DAB1: variants seen among roughly 807,000 people sequenced by gnomAD.
The protein encoded by DAB1 is disabled homolog 1.
In DAB1, 15 loss-of-function variants were observed where a neutral mutation model predicts 64.6. That is an observed-to-expected ratio of 0.23 (90% CI 0.16 to 0.36). The LOEUF is 0.36. Among genes scored for constraint, DAB1 ranks in the 10% least tolerant of loss-of-function variants. The pLI, the probability that DAB1 is intolerant of heterozygous loss-of-function variation, is 1.00. For missense variants in DAB1, 596 were observed against 706.7 expected (o/e 0.84, Z 1.78); for synonymous variants, 235 against 251.9 (o/e 0.93, Z 0.64).
chr1:58,040,621 G>C (rs1647120858), intron 5 of DAB1, among the ~76,000 whole-genome samples: 2 of 152,174 alleles, frequency 1.3e-5, no homozygotes, highest in Admixed American at 1.3e-4. Context: ...CAGGCTAAAT[G>C]AGTTTCCTGC....
chr1:57,891,691 C>T (rs1187256213), intron 5 of DAB1, among the ~76,000 whole-genome samples: 1 of 152,142 alleles, frequency 6.6e-6, no homozygotes, highest in Non-Finnish European at 1.5e-5. Flanking sequence ...GAGTTCATGT[C>T]CTTTGCAGGA....
chr1:57,441,889 C>T (rs575277638), intron 7 of DAB1, among the ~76,000 whole-genome samples: 3 of 152,196 alleles, frequency 2.0e-5, no homozygotes, highest in Admixed American at 6.5e-5. Context: ...GCTGAACTAA[C>T]TTATATTCCC....
At chr1:57,074,254 G>T (rs1021676168) in intron 4 of DAB1, among the ~76,000 whole-genome samples, 29 of 152,258 alleles carry the variant, frequency 1.9e-4, no homozygotes, top group African/African-American at 7.0e-4. Flanking sequence ...CTTAGTTATG[G>T]TTTAAATAGT....
intron 2 of DAB1, among the ~76,000 whole-genome samples, chr1:57,278,489 G>A (rs1008873390): frequency 1.1e-4 from 16 of 152,240 alleles, no homozygotes; most frequent in African/African-American, 2.2e-4. Flanking sequence ...GTTATAAAGC[G>A]GAATCCTAAT....
At chr1:57,692,713 A>G (rs549012013) in intron 6 of DAB1, among the ~76,000 whole-genome samples, 6 of 152,220 alleles carry the variant, frequency 3.9e-5, no homozygotes, top group African/African-American at 1.4e-4. Flanking sequence ...ATCTATCCTT[A>G]CTCTACAATC....
At chr1:57,965,157 T>C (rs1331049333) in intron 5 of DAB1, among the ~76,000 whole-genome samples, 1 of 150,466 alleles carries the variant, frequency 6.6e-6, no homozygotes, top group Non-Finnish European at 1.5e-5. Flanking sequence ...AGAGACAGAG[T>C]AGGAAACAGG....
chr1:57,328,496 C>G (rs538143767), intron 1 of DAB1, among the ~76,000 whole-genome samples: 6 of 152,312 alleles, frequency 3.9e-5, no homozygotes, highest in African/African-American at 1.4e-4. Context: ...ACACCCCACA[C>G]ATACGCACTG....
At chr1:57,450,864 C>G (rs758254049) in intron 7 of DAB1, among the ~76,000 whole-genome samples, 1 of 152,180 alleles carries the variant, frequency 6.6e-6, no homozygotes, top group Non-Finnish European at 1.5e-5. Context: ...TGTCACAGAG[C>G]TTATCTCACA....
intron 1 of DAB1, among the ~76,000 whole-genome samples, chr1:57,830,675 G>C (rs1652546124): frequency 6.6e-6 from 1 of 152,106 alleles, no homozygotes; most frequent in African/African-American, 2.4e-5. Context: ...TACAAGATTG[G>C]TTCTTTGCTG....
chr1:57,060,564 AG>A (rs1650286119), intron 9 of DAB1, among the ~76,000 whole-genome samples: 1 of 152,166 alleles, frequency 6.6e-6, no homozygotes, highest in African/African-American at 2.4e-5. Context: ...AGGAAGTAAT[AG>A]GGAAAAAGTG....
At chr1:57,763,813 G>T (rs1424395158) in intron 6 of DAB1, among the ~76,000 whole-genome samples, 1 of 152,108 alleles carries the variant, frequency 6.6e-6, no homozygotes, top group Admixed American at 6.6e-5. Context: ...CTTCAGGAGG[G>T]TTTTCATTCT....
intron 2 of DAB1, among the ~76,000 whole-genome samples, chr1:58,525,049 A>G (rs1646328499): frequency 1.3e-5 from 2 of 152,220 alleles, no homozygotes; most frequent in Admixed American, 6.5e-5. Context: ...TTAATACTGC[A>G]TCTTTCTGTT....
intron 5 of DAB1, chr1:58,048,572 C>T (rs1647402374): frequency 2.0e-6 from 2 of 1,008,470 alleles, no homozygotes; most frequent in African/African-American, 1.6e-5. Context: ...ATAACCATCC[C>T]CACTGCCACC....
intron 6 of DAB1, among the ~76,000 whole-genome samples, chr1:57,761,815 T>C (rs143430066): frequency 1.3e-5 from 2 of 152,268 alleles, no homozygotes; most frequent in East Asian, 3.9e-4. Context: ...AAAGCACTCT[T>C]GAGAACAGGA....
At chr1:57,606,125 T>G (rs1303834663) in intron 7 of DAB1, 1 of 405,990 alleles carries the variant, frequency 2.5e-6, no homozygotes. Flanking sequence ...GATTTTACAC[T>G]GCAGCTCCTT....
chr1:57,187,719 C>T (rs761197220), intron 2 of DAB1, among the ~76,000 whole-genome samples: 103 of 151,106 alleles, frequency 6.8e-4, no homozygotes, highest in African/African-American at 2.0e-3. Context: ...TTGCCAACAA[C>T]GACTTGTGTC....
chr1:57,355,159 C>T (rs1678971554), intron 1 of DAB1, among the ~76,000 whole-genome samples: 1 of 151,528 alleles, frequency 6.6e-6, no homozygotes, highest in Admixed American at 6.6e-5. Flanking sequence ...TTCTTCCTTC[C>T]CTCTTTCCCT....
chr1:57,295,729 T>C (rs1045886659), intron 1 of DAB1, among the ~76,000 whole-genome samples: 1 of 152,120 alleles, frequency 6.6e-6, no homozygotes, highest in Non-Finnish European at 1.5e-5. Context: ...GTGATGTGAC[T>C]GGGTGCCAGG....
chr1:58,382,500 G>A (rs1352955406), intron 3 of DAB1, among the ~76,000 whole-genome samples: 2 of 152,190 alleles, frequency 1.3e-5, no homozygotes, highest in Non-Finnish European at 2.9e-5. Flanking sequence ...AGCCCTGAAA[G>A]GGCTCCTAGC....
Sources: allele counts gnomAD v4.1 joint callset (sites outside exome capture counted in the v4.1 genomes callset), GRCh38; gene constraint gnomAD v4.1.1; transcripts MANE v1.5; gene names NCBI Gene and HGNC (gene_info 2026-07-23, HGNC 2026-07-21).